Variants in FBRSL1 observed in about 807,000 individuals in gnomAD.
FBRSL1 encodes fibrosin-1-like protein.
Under a neutral mutation model 89.6 loss-of-function variants are expected in FBRSL1, and 51 were observed. The ratio of observed to expected loss-of-function variants is 0.57; its 90% CI spans 0.45 to 0.72. The LOEUF (loss-of-function observed/expected upper bound fraction) is 0.72. Among genes scored for constraint, FBRSL1 ranks in the 30% least tolerant of loss-of-function variants. The probability of loss-of-function intolerance (pLI) is 0.00; values close to 1 mark genes in which losing one functional copy is unlikely to be tolerated. For synonymous variants in FBRSL1, 779 were observed against 681.1 expected, an observed-to-expected ratio of 1.14 and a Z score of -2.24; for missense variants, 1,618 against 1,451.8, an observed-to-expected ratio of 1.11 and a Z score of -1.86.
At chr12:132,575,870 C>A (rs1481085295) in intron 14 of FBRSL1, among the ~76,000 whole-genome samples, 2 of 152,240 alleles carry the variant, frequency 1.3e-5, no homozygotes, top group African/African-American at 2.4e-5. Context: ...AGCCTGAGTG[C>A]GGGTCAGAGG....
chr12:132,580,532 A>T (rs755129047), intron 15 of FBRSL1, among the ~76,000 whole-genome samples: 12 of 152,250 alleles, frequency 7.9e-5, no homozygotes, highest in African/African-American at 1.9e-4. Flanking sequence ...CAGTGCGGGC[A>T]TTTGAGGCAG....
intron 1 of FBRSL1, among the ~76,000 whole-genome samples, chr12:132,496,845 T>C (rs1328093591): frequency 1.4e-5 from 2 of 140,734 alleles, no homozygotes; most frequent in African/African-American, 5.2e-5. Context: ...GGCCCTGCGG[T>C]GTCCTGTGTT....
In FBRSL1 at chr12:132,508,257, G is replaced by C. The variant is rs1250217095; in HGVS notation, c.396G>C (p.Glu132Asp). 3.2e-5 allele frequency: 50 copies of C among 1,550,616 alleles called. No individual in the cohort carries two copies. The highest frequency in any genetic ancestry group is 4.2e-5 in the Non-Finnish European group (48 of 1,146,890). The change falls in exon 2 of 19, where the codon GAG becomes GAC. Residue 132 changes from glutamate to aspartate, a missense_variant. Transcript: ENST00000680143. Reference protein sequence around the residue: ...SETCPPAEPSENRRPLEAGSP... With the variant: ...SETCPPAEPSDNRRPLEAGSP... Reference sequence around the variant, plus strand: ...CCTGCCCCCCTGCGGAGCCCAGTGAGAACAGGCGGCCCCTGGAGGCAGGCA... The same window carrying C: ...CCTGCCCCCCTGCGGAGCCCAGTGACAACAGGCGGCCCCTGGAGGCAGGCA...
intron 1 of FBRSL1, among the ~76,000 whole-genome samples, chr12:132,497,040 C>T (rs553526390): frequency 1.3e-5 from 2 of 152,342 alleles, no homozygotes; most frequent in African/African-American, 2.4e-5. Flanking sequence ...TGTTTGCCGA[C>T]GGTTCGGATT....
In FBRSL1 at chr12:132,572,741, TGTC is replaced by T. The variant is rs1178500742; in HGVS notation, c.1530+123_1530+125del. 5.4e-6 allele frequency: 4 copies of T among 734,978 alleles called. No homozygotes were observed. In the Admixed American group the frequency reaches 6.9e-5, roughly 13 times the overall value. 45.5% of individuals were successfully genotyped at this position (734,978 alleles called of 1,614,324 possible). On this transcript the variant is annotated intron_variant, in intron 11 of 18. Coordinates refer to ENST00000680143, the MANE Select transcript of FBRSL1 (RefSeq NM_001367871.1). ...CACCCCCCTTTCCCTCCCTTGTACCTGTCGTCATCTGGGTGCTGGCGTGAGCAG... is the reference window on the plus strand; with the variant it reads ...CACCCCCCTTTCCCTCCCTTGTACCTGTCATCTGGGTGCTGGCGTGAGCAG...
At chr12:132,573,934 C>A (rs958705716) in intron 11 of FBRSL1, among the ~76,000 whole-genome samples, 156 bp from the exon 12 acceptor site, 1 of 152,176 alleles carries the variant, frequency 6.6e-6, no homozygotes, top group Non-Finnish European at 1.5e-5. Flanking sequence ...GTGTGGTGGT[C>A]CTGCGAGGGA....
intron 6 of FBRSL1, among the ~76,000 whole-genome samples, chr12:132,568,467 G>A (rs1366228379): frequency 2.0e-5 from 3 of 152,264 alleles, no homozygotes; most frequent in East Asian, 3.8e-4. Flanking sequence ...GACGGGCCCC[G>A]GTAGGAGAGG....
chr12:132,518,279 T>A (rs531097428), intron 2 of FBRSL1, among the ~76,000 whole-genome samples: 37 of 132,868 alleles, frequency 2.8e-4, no homozygotes, highest in African/African-American at 9.2e-4. Flanking sequence ...CCCATGCATC[T>A]ACCCATGCAT....
At chr12:132,556,060 C>T (rs2038608636) in intron 5 of FBRSL1, among the ~76,000 whole-genome samples, 2 of 152,180 alleles carry the variant, frequency 1.3e-5, no homozygotes, top group Admixed American at 1.3e-4. Flanking sequence ...AGTTCCGGTG[C>T]CTTCTGCACT....
intron 4 of FBRSL1, among the ~76,000 whole-genome samples, chr12:132,539,055 C>T (rs2036994884): frequency 1.3e-5 from 2 of 151,964 alleles, no homozygotes; most frequent in South Asian, 4.1e-4. Flanking sequence ...GCACTCAGTC[C>T]TCAGTTTCCC....
chr12:132,551,425 GC>G (rs754871135), intron 5 of FBRSL1: 2 of 456,312 alleles, frequency 4.4e-6, no homozygotes, highest in Non-Finnish European at 8.8e-6. Flanking sequence ...GAACAGCCCT[GC>G]CCGCAGAAGC....
intron 1 of FBRSL1, among the ~76,000 whole-genome samples, chr12:132,501,090 C>T (rs563191560): frequency 6.6e-6 from 1 of 152,324 alleles, no homozygotes; most frequent in South Asian, 2.1e-4. Context: ...CTGATGTGGA[C>T]CGGGCCCCTG....
At chr12:132,521,271 C>T (rs757405576) in intron 2 of FBRSL1, among the ~76,000 whole-genome samples, 10 of 152,192 alleles carry the variant, frequency 6.6e-5, no homozygotes, top group South Asian at 2.1e-4. Flanking sequence ...GGCAGGGGTG[C>T]GCTGTGTCCA....
At chr12:132,567,424 G>C (rs1216435366) in intron 5 of FBRSL1, 57 bp from the exon 6 acceptor site, 2 of 1,525,090 alleles carry the variant, frequency 1.3e-6, no homozygotes, top group Non-Finnish European at 1.8e-6. Context: ...TTGGGCGCAA[G>C]GTCCACGAGG....
chr12:132,504,419 C>T (rs2033419403), intron 1 of FBRSL1, among the ~76,000 whole-genome samples: 7 of 152,180 alleles, frequency 4.6e-5, no homozygotes, highest in Admixed American at 4.6e-4. Context: ...CGGCAGCCTG[C>T]GCCCAGCCCT....
At chr12:132,580,672 C>G (rs1295064671) in intron 15 of FBRSL1, 4 of 591,208 alleles carry the variant, frequency 6.8e-6, no homozygotes, top group Non-Finnish European at 8.5e-6. Context: ...AGACCAGAAG[C>G]TCTGAATACA....
At chr12:132,540,813 G>GCCCAGATC (rs199671242) in intron 4 of FBRSL1, among the ~76,000 whole-genome samples, 3,909 of 152,230 alleles carry the variant, frequency 0.026, 66 homozygotes, top group Middle Eastern at 0.099. Context: ...GGCCCCACAA[G>GCCCAGATC]CCCAGATCCC....
intron 2 of FBRSL1, chr12:132,509,517 G>C: frequency 8.1e-7 from 1 of 1,235,898 alleles, no homozygotes; most frequent in Non-Finnish European, 1.0e-6. Flanking sequence ...GCCGCATTGG[G>C]CACTCCCAGG....
At chr12:132,525,884 C>A in intron 3 of FBRSL1, 61 bp downstream of exon 3, 1 of 1,376,136 alleles carries the variant, frequency 7.3e-7, no homozygotes, top group Non-Finnish European at 1.0e-6. Flanking sequence ...CCGCTGCGCC[C>A]CGCACAAGGG....
Sources: gnomAD v4.1 joint callset for allele counts (sites outside exome capture counted in the v4.1 genomes callset) on GRCh38, gnomAD v4.1.1 for gene constraint, MANE v1.5 for transcripts, NCBI Gene and HGNC (gene_info 2026-07-23, HGNC 2026-07-21) for gene names.